MYO3B: variants seen among roughly 807,000 people sequenced by gnomAD.
MYO3B encodes the protein myosin IIIB, also known as myosin-IIIb.
In MYO3B, 156 loss-of-function variants were observed where a neutral mutation model predicts 174.6. The ratio of observed to expected loss-of-function variants is 0.89; its 90% CI spans 0.78 to 1.02. MYO3B has a LOEUF of 1.02. Among genes scored for constraint, MYO3B ranks in the 50% least tolerant of loss-of-function variants. The pLI, the probability that MYO3B is intolerant of heterozygous loss-of-function variation, is 0.00. For synonymous variants in MYO3B, 563 were observed against 569.1 expected (o/e 0.99, Z 0.15); for missense variants, 1,632 against 1,639.4 (o/e 1.00, Z 0.08).
chr2:170,562,881 ACT>A (rs1366784643), intron 32 of MYO3B, among the ~76,000 whole-genome samples: 1 of 151,794 alleles, frequency 6.6e-6, no homozygotes, highest in African/African-American at 2.4e-5. Flanking sequence ...GTCACAGTTA[ACT>A]CTTCACTTTT....
At chr2:170,312,717 C>T (rs1229899934) in intron 7 of MYO3B, among the ~76,000 whole-genome samples, 2 of 152,238 alleles carry the variant, frequency 1.3e-5, no homozygotes, top group East Asian at 3.8e-4. Context: ...GCTCTGCAGA[C>T]CACTGTTCTA....
chr2:170,367,886 T>A (rs1365202096), intron 8 of MYO3B, among the ~76,000 whole-genome samples: 1 of 152,160 alleles, frequency 6.6e-6, no homozygotes, highest in Non-Finnish European at 1.5e-5. Flanking sequence ...GTATTTATAG[T>A]CCTGCAAGCA....
At chr2:170,320,207 TTTA>T (rs2093814138) in intron 7 of MYO3B, among the ~76,000 whole-genome samples, 3 of 152,030 alleles carry the variant, frequency 2.0e-5, no homozygotes, top group Non-Finnish European at 2.9e-5. Flanking sequence ...GCCCGGATAA[TTTA>T]TTTTTAGTTT....
At position 170,327,499 on chromosome 2, in the gene MYO3B, T is replaced by C. The variant is rs532354400; in HGVS notation, c.750-7886T>C. Reference sequence around the variant, plus strand: ...TGTAAAGTATCATAGTTATTAATCATAGAAGCTTCCCTTTCTTAGACAGTG... The same window carrying C: ...TGTAAAGTATCATAGTTATTAATCACAGAAGCTTCCCTTTCTTAGACAGTG... On this transcript the variant is annotated intron_variant, in intron 7 of 34. Coordinates refer to ENST00000408978, the MANE Select transcript of MYO3B (RefSeq NM_138995.5). Among the ~76,000 whole-genome samples the C allele has an allele frequency of 1.3e-3, 204 of 152,270 alleles. 1 individual carries two copies. In the East Asian group the frequency reaches 0.023, roughly 17 times the overall value.
chr2:170,387,084 G>C (rs778657334), intron 13 of MYO3B, 22 bp from the exon 14 acceptor site: 42 of 1,612,866 alleles, frequency 2.6e-5, no homozygotes, highest in Non-Finnish European at 2.8e-5. Flanking sequence ...GTCTCTTCTT[G>C]ACCGTTCTCT....
intron 1 of MYO3B, among the ~76,000 whole-genome samples, chr2:170,185,554 G>A (rs1013114915): frequency 7.2e-5 from 11 of 152,162 alleles, no homozygotes; most frequent in Middle Eastern, 3.2e-3. Flanking sequence ...TAGCTCTGTA[G>A]TATAATTTGA....
intron 32 of MYO3B, among the ~76,000 whole-genome samples, chr2:170,602,973 C>G (rs964844625): frequency 5.9e-5 from 9 of 152,108 alleles, no homozygotes; most frequent in African/African-American, 2.2e-4. Flanking sequence ...GAGGCTGAGG[C>G]AGGAGAATCA....
At chr2:170,289,869 G>C (rs928050047) in intron 7 of MYO3B, among the ~76,000 whole-genome samples, 1 of 151,912 alleles carries the variant, frequency 6.6e-6, no homozygotes, top group Non-Finnish European at 1.5e-5. Flanking sequence ...TGCTGTTACC[G>C]TATCCCATAG....
chr2:170,560,714 C>G lies in MYO3B; in HGVS notation c.3733+16726C>G, dbSNP rs963937650. On this transcript the variant is annotated intron_variant, in intron 32 of 34. Coordinates refer to ENST00000408978, the MANE Select transcript of MYO3B (RefSeq NM_138995.5). ...CCGTTTTTATGCCAGGACACAATGGCTGGGTTCTCCCAATGGATACACACC... is the reference window on the plus strand; with the variant it reads ...CCGTTTTTATGCCAGGACACAATGGGTGGGTTCTCCCAATGGATACACACC... Among the ~76,000 whole-genome samples the G allele has an allele frequency of 2.6e-5, 4 of 152,184 alleles. No homozygotes were observed. In the East Asian group the frequency reaches 7.7e-4, roughly 29 times the overall value.
intron 13 of MYO3B, 88 bp from the exon 14 acceptor site, chr2:170,387,018 G>A: frequency 7.7e-7 from 1 of 1,306,166 alleles, no homozygotes; most frequent in Middle Eastern, 1.9e-4. Flanking sequence ...AGACCATGTG[G>A]ATTTTGGTGG....
chr2:170,221,873 T>C (rs2092904825), intron 6 of MYO3B, among the ~76,000 whole-genome samples: 1 of 152,094 alleles, frequency 6.6e-6, no homozygotes, highest in Admixed American at 6.5e-5. Flanking sequence ...TGGCTTAAGA[T>C]CAGAACAATT....
At chr2:170,492,940 C>G (rs1192719261) in intron 25 of MYO3B, among the ~76,000 whole-genome samples, 1 of 152,218 alleles carries the variant, frequency 6.6e-6, no homozygotes, top group African/African-American at 2.4e-5. Flanking sequence ...CTCTGTTTCT[C>G]TACTCTGTCT....
chr2:170,224,120 G>A (rs1005449121), intron 6 of MYO3B, among the ~76,000 whole-genome samples: 1 of 152,244 alleles, frequency 6.6e-6, no homozygotes, highest in African/African-American at 2.4e-5. Flanking sequence ...TTGCTAAGCA[G>A]AGGCATAGTG....
intron 1 of MYO3B, among the ~76,000 whole-genome samples, chr2:170,195,405 A>C (rs1018113707): frequency 1.3e-5 from 2 of 152,076 alleles, no homozygotes; most frequent in African/African-American, 4.8e-5. Context: ...AGAGGAATTC[A>C]GCTTGGGGTG....
chr2:170,299,208 G>C (rs970430753), intron 7 of MYO3B, among the ~76,000 whole-genome samples: 3 of 152,200 alleles, frequency 2.0e-5, no homozygotes, highest in Admixed American at 1.3e-4. Context: ...AAGGAGGGAA[G>C]GATAGTGTCT....
At chr2:170,640,048 T>G (rs914792238) in intron 32 of MYO3B, among the ~76,000 whole-genome samples, 1 of 152,210 alleles carries the variant, frequency 6.6e-6, no homozygotes, top group South Asian at 2.1e-4. Flanking sequence ...AAATGGCAGA[T>G]AGCTAATCTG....
chr2:170,192,640 T>TA (rs201009967), intron 1 of MYO3B, among the ~76,000 whole-genome samples: 4 of 151,282 alleles, frequency 2.6e-5, no homozygotes, highest in Admixed American at 6.6e-5. Context: ...AATAGAATAT[T>TA]AAAAAAAATT....
chr2:170,453,339 G>A (rs1683706625), intron 23 of MYO3B, among the ~76,000 whole-genome samples: 2 of 151,088 alleles, frequency 1.3e-5, no homozygotes, highest in African/African-American at 2.4e-5. Flanking sequence ...CTAATAAGAC[G>A]AGTTTCACAA....
At chr2:170,345,273 A>G (rs1029385097) in intron 8 of MYO3B, 28 of 152,216 alleles carry the variant, frequency 1.8e-4, no homozygotes, top group African/African-American at 6.5e-4. Context: ...AAAGGGGTAT[A>G]TGTGTGGGTG....
Sources: allele counts gnomAD v4.1 joint callset (sites outside exome capture counted in the v4.1 genomes callset), GRCh38; gene constraint gnomAD v4.1.1; transcripts MANE v1.5; gene names NCBI Gene and HGNC (gene_info 2026-07-23, HGNC 2026-07-21).